The following CTNNA2 variants were observed in gnomAD, a reference collection of about 807,000 sequenced individuals.
CTNNA2 encodes catenin alpha-2.
A neutral mutation model predicts 101.0 loss-of-function variants in CTNNA2; 42 were observed. That is an observed-to-expected ratio of 0.42 (90% CI 0.32 to 0.54). The LOEUF (loss-of-function observed/expected upper bound fraction) is 0.54, where lower values mean the gene tolerates loss of function less well. Ranked by LOEUF, CTNNA2 falls within the 20% of genes least tolerant of loss-of-function variation. CTNNA2 has a pLI of 0.14. For missense variants in CTNNA2, 871 were observed against 1,223.1 expected (o/e 0.71, Z 4.29); for synonymous variants, 450 against 456.4 (o/e 0.99, Z 0.18).
intron 7 of CTNNA2, among the ~76,000 whole-genome samples, chr2:79,977,392 G>A (rs1001931625): frequency 6.6e-6 from 1 of 152,120 alleles, no homozygotes; most frequent in African/African-American, 2.4e-5. Flanking sequence ...CTACTGGCAT[G>A]TATGTGTAGA....
chr2:79,390,212 C>A (rs540904333), intron 4 of CTNNA2, among the ~76,000 whole-genome samples: 1 of 152,230 alleles, frequency 6.6e-6, no homozygotes, highest in East Asian at 1.9e-4. Context: ...ATTTCTCTTC[C>A]CATGTTTTAT....
chr2:79,894,047 CTTCTTCTTCT>C (rs1558619591), intron 6 of CTNNA2, among the ~76,000 whole-genome samples: 3 of 127,460 alleles, frequency 2.4e-5, no homozygotes, highest in African/African-American at 7.9e-5. Context: ...TCTTCTTCTT[CTTCTTCTTCT>C]TCTTCTTCCT....
intron 4 of CTNNA2, among the ~76,000 whole-genome samples, chr2:79,860,240 C>T (rs918677000): frequency 7.2e-5 from 11 of 152,166 alleles, no homozygotes; most frequent in South Asian, 2.1e-4. Flanking sequence ...GGAAATAATA[C>T]GACTGAACCT....
At chr2:80,105,740 A>C (rs1275209313) in intron 7 of CTNNA2, among the ~76,000 whole-genome samples, 1 of 152,166 alleles carries the variant, frequency 6.6e-6, no homozygotes, top group Non-Finnish European at 1.5e-5. Context: ...TCTCAAAAAA[A>C]AAAAAGATTG....
intron 18 of CTNNA2, among the ~76,000 whole-genome samples, chr2:80,634,420 A>G (rs773508764): frequency 2.0e-4 from 30 of 152,118 alleles, no homozygotes; most frequent in Non-Finnish European, 3.8e-4. Flanking sequence ...CTAAGGCCTT[A>G]CATTGCAAAC....
intron 12 of CTNNA2, among the ~76,000 whole-genome samples, chr2:80,563,106 G>A (rs541331411): frequency 1.1e-4 from 17 of 151,976 alleles, no homozygotes; most frequent in African/African-American, 3.6e-4. Flanking sequence ...AGAATCCTGG[G>A]AACTGGAGAG....
At chr2:80,452,820 C>A (rs1683627124) in intron 9 of CTNNA2, among the ~76,000 whole-genome samples, 1 of 147,642 alleles carries the variant, frequency 6.8e-6, no homozygotes, top group Admixed American at 6.6e-5. Context: ...GGTATCCCTG[C>A]AGTATGATAA....
At chr2:79,542,623 C>A (rs553768319) in intron 1 of CTNNA2, among the ~76,000 whole-genome samples, 131 of 152,172 alleles carry the variant, frequency 8.6e-4, no homozygotes, top group Non-Finnish European at 1.4e-3. Flanking sequence ...ATAGTACTAA[C>A]CTATAAAGGA....
intron 3 of CTNNA2, among the ~76,000 whole-genome samples, chr2:79,767,586 C>G (rs985615155): frequency 2.0e-5 from 3 of 152,050 alleles, no homozygotes; most frequent in Non-Finnish European, 4.4e-5. Context: ...TGCTGTGATT[C>G]TCACAGACAT....
At chr2:80,093,518 C>T (rs1034114959) in intron 7 of CTNNA2, among the ~76,000 whole-genome samples, 8 of 152,090 alleles carry the variant, frequency 5.3e-5, no homozygotes, top group African/African-American at 1.9e-4. Flanking sequence ...GGGTATATAT[C>T]CAGTAATGGG....
intron 3 of CTNNA2, among the ~76,000 whole-genome samples, chr2:79,843,034 T>G (rs1460256899): frequency 6.6e-6 from 1 of 152,076 alleles, no homozygotes; most frequent in African/African-American, 2.4e-5. Context: ...CTACATCTGT[T>G]GATTATTGAA....
In CTNNA2 at chr2:79,761,033, A is replaced by G. The variant is rs181594228; in HGVS notation, c.298+16451A>G. Among the ~76,000 whole-genome samples the G allele has an allele frequency of 1.4e-4, 22 of 152,364 alleles. 1 individual carries two copies. The highest frequency in any genetic ancestry group is 5.0e-4 in the African/African-American group (21 of 41,594). On this transcript the variant is annotated intron_variant, in intron 3 of 18. Coordinates refer to ENST00000402739, the MANE Select transcript of CTNNA2 (RefSeq NM_001282597.3). ...TATTAATGCCAGTCTCATCTAATCTATAAAATTCTAAGAATTAGATAAATG... is the reference window on the plus strand; with the variant it reads ...TATTAATGCCAGTCTCATCTAATCTGTAAAATTCTAAGAATTAGATAAATG...
At chr2:80,079,858 A>C (rs995079042) in intron 7 of CTNNA2, among the ~76,000 whole-genome samples, 1 of 143,918 alleles carries the variant, frequency 6.9e-6, no homozygotes. Context: ...AAAATAAAAT[A>C]AAATAAAATA....
intron 2 of CTNNA2, among the ~76,000 whole-genome samples, chr2:79,265,146 C>T (rs924435850): frequency 9.9e-5 from 15 of 152,164 alleles, no homozygotes; most frequent in African/African-American, 2.2e-4. Flanking sequence ...TTTACTCATT[C>T]GGTTCTTCTC....
At chr2:79,310,152 G>T (rs17016741) in intron 2 of CTNNA2, among the ~76,000 whole-genome samples, 13,058 of 152,092 alleles carry the variant, frequency 0.086, 613 homozygotes, top group African/African-American at 0.1. Context: ...CAAATTACAG[G>T]AGTTTTATCT....
At chr2:80,406,826 CAAAAAAAAAAA>C (rs56793591) in intron 8 of CTNNA2, among the ~76,000 whole-genome samples, 3 of 63,982 alleles carry the variant, frequency 4.7e-5, no homozygotes, top group East Asian at 5.6e-4. Context: ...GACTCCATCT[CAAAAAAAAAAA>C]AAAAAAAAAA....
chr2:80,589,860 CTGTGTGTGTGTGTGTGTGTGTGTGTGTG>C (rs59206973), intron 15 of CTNNA2, among the ~76,000 whole-genome samples: 1 of 140,482 alleles, frequency 7.1e-6, no homozygotes, highest in Non-Finnish European at 1.6e-5. Flanking sequence ...ATATGTACCT[CTGTGTGTGTGTGTGTGTGTGTGTGTGTG>C]TGTGTGTGTG....
chr2:80,325,684 T>A (rs555927005), intron 7 of CTNNA2, among the ~76,000 whole-genome samples: 1 of 152,306 alleles, frequency 6.6e-6, no homozygotes, highest in African/African-American at 2.4e-5. Context: ...AATCAGGCCA[T>A]TAGATACAGT....
At chr2:79,288,891 G>A (rs1438410177) in intron 2 of CTNNA2, among the ~76,000 whole-genome samples, 1 of 152,136 alleles carries the variant, frequency 6.6e-6, no homozygotes, top group Non-Finnish European at 1.5e-5. Context: ...ATAAGAATGA[G>A]AAAATTGAAC....
Sources: allele counts gnomAD v4.1 joint callset (sites outside exome capture counted in the v4.1 genomes callset), GRCh38; gene constraint gnomAD v4.1.1; transcripts MANE v1.5; gene names NCBI Gene and HGNC (gene_info 2026-07-23, HGNC 2026-07-21).